RCBTB2: variants seen among roughly 807,000 people sequenced by gnomAD.
The protein encoded by RCBTB2 is RCC1 and BTB domain containing protein 2, also known as RCC1 and BTB domain-containing protein 2.
A neutral mutation model predicts 65.4 loss-of-function variants in RCBTB2; 55 were observed. The ratio of observed to expected loss-of-function variants is 0.84; its 90% CI spans 0.68 to 1.05. The LOEUF is 1.05. RCBTB2 is among the 50% of genes least tolerant of loss of function. RCBTB2 has a pLI of 0.00. For synonymous variants in RCBTB2, 220 were observed against 255.2 expected (o/e 0.86, Z 1.31); for missense variants, 599 against 680.1 (o/e 0.88, Z 1.33).
chr13:48,491,771 G>A, intron 14 of RCBTB2: 1 of 152,146 alleles, frequency 6.6e-6, no homozygotes, highest in East Asian at 1.9e-4. Context: ...ACCCTAAAAA[G>A]TTATCACTTG....
intron 1 of RCBTB2, among the ~76,000 whole-genome samples, chr13:48,525,409 TA>T (rs1566331254): frequency 3.1e-5 from 4 of 130,550 alleles, no homozygotes; most frequent in Admixed American, 7.5e-5. Context: ...TATATATATA[TA>T]TATATATATT....
At chr13:48,520,551 C>T (rs1951362931) in intron 4 of RCBTB2, among the ~76,000 whole-genome samples, 1 of 152,156 alleles carries the variant, frequency 6.6e-6, no homozygotes, top group African/African-American at 2.4e-5. Context: ...CCTCCCCTTC[C>T]TTCAAGACCT....
intron 10 of RCBTB2, among the ~76,000 whole-genome samples, chr13:48,504,599 G>A (rs578100424): frequency 3.0e-4 from 45 of 152,226 alleles, no homozygotes; most frequent in African/African-American, 1.0e-3. Flanking sequence ...TTATGCATCC[G>A]TTTCACCTGT....
chr13:48,497,666 T>C (rs1224627544), intron 13 of RCBTB2, among the ~76,000 whole-genome samples: 3 of 152,240 alleles, frequency 2.0e-5, no homozygotes, highest in East Asian at 3.8e-4. Context: ...GTACGAAGTA[T>C]AAAGAGCAGG....
intron 1 of RCBTB2, among the ~76,000 whole-genome samples, chr13:48,525,953 G>A (rs944390240): frequency 1.3e-5 from 2 of 152,074 alleles, no homozygotes; most frequent in African/African-American, 2.4e-5. Flanking sequence ...GAATTTTTTC[G>A]TGGGGAAGTT....
rs762779680 is a variant in RCBTB2 at position 48,521,922 on chromosome 13, A to C, written c.18T>G (p.Pro6=). Residue 6 remains proline, a synonymous_variant, in exon 4 of 15, where the codon CCT becomes CCG. Coordinates refer to ENST00000344532, the MANE Select transcript of RCBTB2 (RefSeq NM_001268.4). The part of the protein sequence containing the change: MEEEL[P]LFSGDSGKPV... ...CCTTGCCACTGTCTCCAGAGAAAAG[A>C]GGAAGTTCTTCTTCCATATGGACTC... The C allele has an allele frequency of 6.2e-7, 1 of 1,613,914 alleles. No homozygotes were observed. The highest frequency in any genetic ancestry group is 2.2e-5 in the East Asian group (1 of 44,886).
At chr13:48,498,763 T>C (rs545506617) in intron 13 of RCBTB2, among the ~76,000 whole-genome samples, 1 of 151,936 alleles carries the variant, frequency 6.6e-6, no homozygotes, top group African/African-American at 2.4e-5. Context: ...GGGTATCTAA[T>C]GGGAAGCTCA....
At chr13:48,515,855 A>G (rs1211745780) in intron 4 of RCBTB2, 114 bp from the exon 5 acceptor site, 3 of 1,066,668 alleles carry the variant, frequency 2.8e-6, no homozygotes, top group African/African-American at 1.6e-5. Flanking sequence ...CACTGCATCC[A>G]TTTTTGAGAG....
intron 11 of RCBTB2, among the ~76,000 whole-genome samples, chr13:48,502,193 A>G (rs1434409331): frequency 1.3e-5 from 2 of 152,228 alleles, no homozygotes; most frequent in Non-Finnish European, 2.9e-5. Context: ...AAAATTAAAA[A>G]GCACTCAAAT....
chr13:48,527,829 T>C (rs1219737682), intron 1 of RCBTB2, among the ~76,000 whole-genome samples: 3 of 152,206 alleles, frequency 2.0e-5, no homozygotes, highest in African/African-American at 7.2e-5. Context: ...TGAAGACTAC[T>C]GAACAAGGGG....
In RCBTB2 at chr13:48,516,100, GAGA is replaced by G. The variant is rs1344989754; in HGVS notation, c.43-362_43-360del. Among the ~76,000 whole-genome samples the G allele has an allele frequency of 5.4e-5, 3 of 55,558 alleles. No individual in the cohort carries two copies. In the African/African-American group the frequency reaches 2.5e-3, roughly 47 times the overall value. The allele number at this position is 55,558 out of a possible 152,430, so 36.4% of individuals were successfully genotyped here. ...TGGTTGTAAAAGCAAGAGAGACAGA[GAGA>G]GAGAGAGAGAGAGAGAGCTGCCATG... On this transcript the variant is annotated intron_variant, in intron 4 of 14. Transcript: ENST00000344532.
At position 48,489,981 on chromosome 13, in the gene RCBTB2, C is replaced by A. The variant is rs1949629336; in HGVS notation, c.*130G>T. ...CAGACAAAGACCACTCACCACCATCCTTCTTCTGACAGTTACAAGTACTCA... is the reference window on the plus strand; with the variant it reads ...CAGACAAAGACCACTCACCACCATCATTCTTCTGACAGTTACAAGTACTCA... On this transcript the variant is annotated 3_prime_UTR_variant, in exon 15 of 15. Coordinates refer to ENST00000344532, the MANE Select transcript of RCBTB2 (RefSeq NM_001268.4). The A allele has an allele frequency of 5.1e-6, 5 of 985,450 alleles. No homozygotes were observed. The Admixed American group carries it at 8.4e-5, about 17-fold the overall frequency. The allele number at this position is 985,450 out of a possible 1,614,324, so 61.0% of individuals were successfully genotyped here.
At chr13:48,508,317 C>G (rs1175479110) in intron 10 of RCBTB2, among the ~76,000 whole-genome samples, 1 of 152,182 alleles carries the variant, frequency 6.6e-6, no homozygotes, top group Non-Finnish European at 1.5e-5. Flanking sequence ...TGATTGAGTG[C>G]CTGGTTGAAA....
At position 48,511,919 on chromosome 13, in the gene RCBTB2, G is replaced by A. The variant is rs1210325127; in HGVS notation, c.676-42C>T. ...CCCTCAATCCTCTCAAGAGACAAAT[G>A]GCCAGCAAGCTGTCTGTTATGTGGG... On this transcript the variant is annotated intron_variant, in intron 8 of 14. Coordinates refer to ENST00000344532, the MANE Select transcript of RCBTB2 (RefSeq NM_001268.4). 1.9e-6 allele frequency: 3 copies of A among 1,610,412 alleles called. No individual in the cohort carries two copies. The African/African-American group carries it at 4.0e-5, about 22-fold the overall frequency.
intron 10 of RCBTB2, among the ~76,000 whole-genome samples, chr13:48,503,661 A>G (rs947244761): frequency 2.0e-5 from 3 of 151,962 alleles, no homozygotes; most frequent in African/African-American, 7.3e-5. Flanking sequence ...CGATCCTCCT[A>G]CCTCAGCCTC....
Position 48,512,725 on chromosome 13 carries a change from T to G in RCBTB2, c.516+4A>C. On this transcript the variant is annotated splice_donor_region_variant and intron_variant, in intron 7 of 14. Coordinates refer to ENST00000344532, the MANE Select transcript of RCBTB2 (RefSeq NM_001268.4). ...TCAATGAGCTTTATGCTGACTGTTC[T>G]CACCTCTCCATCAGATGTTAGCACC... 6.2e-7 allele frequency: 1 copy of G among 1,613,388 alleles called. No individual in the cohort carries two copies. The highest frequency in any genetic ancestry group is 8.5e-7 in the Non-Finnish European group (1 of 1,179,392).
At chr13:48,499,890 G>T in intron 12 of RCBTB2, 130 bp from the exon 13 acceptor site, 1 of 1,059,566 alleles carries the variant, frequency 9.4e-7, no homozygotes, top group Non-Finnish European at 1.4e-6. Flanking sequence ...TTTCTTTGCT[G>T]GCCAGGGTTT....
At chr13:48,509,275 C>T (rs1329084069) in intron 10 of RCBTB2, among the ~76,000 whole-genome samples, 2 of 151,938 alleles carry the variant, frequency 1.3e-5, no homozygotes, top group African/African-American at 4.8e-5. Context: ...TACAGTGAGC[C>T]GTGATTGCAC....
chr13:48,504,647 G>A (rs1019128308), intron 10 of RCBTB2, among the ~76,000 whole-genome samples: 1 of 152,144 alleles, frequency 6.6e-6, no homozygotes, highest in African/African-American at 2.4e-5. Flanking sequence ...CCTAATCACT[G>A]GCTTAATTCT....
Sources: gnomAD v4.1 joint callset for allele counts (sites outside exome capture counted in the v4.1 genomes callset) on GRCh38, gnomAD v4.1.1 for gene constraint, MANE v1.5 for transcripts, NCBI Gene and HGNC (gene_info 2026-07-23, HGNC 2026-07-21) for gene names.